The following APOE variants were observed in gnomAD, a reference collection of about 807,000 sequenced individuals.
APOE encodes apolipoprotein E.
In APOE, 10 loss-of-function variants were observed where a neutral mutation model predicts 13.1. The ratio of observed to expected loss-of-function variants is 0.76; its 90% confidence interval spans 0.47 to 1.29. The LOEUF is 1.29. APOE is among the 50% of genes most tolerant of loss of function. The probability of loss-of-function intolerance (pLI) is 0.00; values close to 1 mark genes in which losing one functional copy is unlikely to be tolerated. For missense variants in APOE, 471 were observed against 459.6 expected (o/e 1.02, Z -0.23); for synonymous variants, 211 against 207.1 (o/e 1.02, Z -0.16).
At chr19:44,908,288 G>A (rs1479875924) in intron 3 of APOE, among the ~76,000 whole-genome samples, 1 of 151,952 alleles carries the variant, frequency 6.6e-6, no homozygotes, top group Non-Finnish European at 1.5e-5. Context: ...CTCCCGCCTC[G>A]GCCTCCCAAA....
At position 44,906,652 on chromosome 19, in the gene APOE, G is replaced by A. The variant is rs1461741495; in HGVS notation, c.28G>A (p.Val10Ile). MKVLWAALLVTFLAGCQAKV... is the reference protein window; with the variant it reads MKVLWAALLITFLAGCQAKV... ...GAAGGTTCTGTGGGCTGCGTTGCTG[G>A]TCACATTCCTGGCAGGTATGGGGGC... The change falls in exon 2 of 4, where the codon GTC becomes ATC. Residue 10 changes from valine to isoleucine, a missense_variant. Transcript: ENST00000252486. 2 of 1,613,902 alleles carry A rather than the reference G, an allele frequency of 1.2e-6. No individual in the cohort carries two copies. The highest frequency in any genetic ancestry group is 3.3e-5 in the Admixed American group (2 of 59,990).
Position 44,907,396 on chromosome 19 carries a change from A to G in APOE, c.44-364A>G, listed in dbSNP as rs1284368328. 2 of 326,384 alleles carry G rather than the reference A, an allele frequency of 6.1e-6. No homozygotes were observed. Among genetic ancestry groups the G allele is most frequent in the Non-Finnish European group, 1.2e-5 (2 of 165,600 alleles). 20.2% of individuals were successfully genotyped at this position (326,384 alleles called of 1,614,324 possible). ...AGGATCACTTGAGCCCAGGAGTTCA[A>G]CACCAGCCTGGGCAACATAGTGAGA... On this transcript the variant is annotated intron_variant, in intron 2 of 3. Coordinates refer to ENST00000252486, the MANE Select transcript of APOE (RefSeq NM_000041.4). The surrounding 1 kb of genome is among the most constrained non-coding windows in gnomAD (Gnocchi z 4.1).
Position 44,907,098 on chromosome 19 carries a change from G to A in APOE, c.43+431G>A. 4.5e-6 allele frequency: 1 copy of A among 220,388 alleles called. No individual in the cohort carries two copies. Among genetic ancestry groups the A allele is most frequent in the Non-Finnish European group, 9.2e-6 (1 of 108,618 alleles). 13.7% of individuals were successfully genotyped at this position (220,388 alleles called of 1,614,324 possible). A position where few individuals can be genotyped will look rare whatever the true frequency, so the allele number is the denominator to read the frequency against. ...GGGTTTCACCATGTTGGCCAGGCTG[G>A]TCTGGAACTCCTGACCTCAGGTGAT... On this transcript the variant is annotated intron_variant, in intron 2 of 3. Transcript: ENST00000252486. The surrounding 1 kb of genome is among the most constrained non-coding windows in gnomAD (Gnocchi z 4.1).
In APOE at chr19:44,908,574, A is replaced by C. The variant is rs761285934; in HGVS notation, c.278A>C (p.Lys93Thr). The C allele has an allele frequency of 1.9e-5, 31 of 1,613,550 alleles. No individual in the cohort carries two copies. The highest frequency in any genetic ancestry group is 2.6e-5 in the Non-Finnish European group (31 of 1,179,678). ...DETMKELKAY[K>T]SELEEQLTPV... ...ACCATGAAGGAGTTGAAGGCCTACAAATCGGAACTGGAGGAACAACTGACC... is the reference window on the plus strand; with the variant it reads ...ACCATGAAGGAGTTGAAGGCCTACACATCGGAACTGGAGGAACAACTGACC... Residue 93 changes from lysine (K) to threonine (T), a missense_variant, in exon 4 of 4, where the codon AAA becomes ACA. Coordinates refer to ENST00000252486, the MANE Select transcript of APOE (RefSeq NM_000041.4).
chr19:44,906,615 AG>A lies in APOE; in HGVS notation c.-8del, dbSNP rs1969812056. The A allele has an allele frequency of 2.5e-6, 4 of 1,614,070 alleles. No homozygotes were observed. The South Asian group carries it at 4.4e-5, about 18-fold the overall frequency. ...CTCCTTCCCCAGACTGGCCAATCAC[AG>A]GCAGGAAGATGAAGGTTCTGTGGGC... is the stretch of plus-strand genomic sequence containing the variant. On this transcript the variant is annotated 5_prime_UTR_variant, in exon 2 of 4. Coordinates refer to ENST00000252486, the MANE Select transcript of APOE (RefSeq NM_000041.4).
chr19:44,905,978 G>A lies in APOE; in HGVS notation c.-24+137G>A, dbSNP rs545943117. On this transcript the variant is annotated intron_variant, in intron 1 of 3. Transcript: ENST00000252486. ...GCTTGGGGAGAGGAGGAGCGGGGGTGAGGCAAGCAGCAGGGGACTGGACCT... is the reference window on the plus strand; with the variant it reads ...GCTTGGGGAGAGGAGGAGCGGGGGTAAGGCAAGCAGCAGGGGACTGGACCT... 7.2e-4 allele frequency: 901 copies of A among 1,245,278 alleles called. 9 individuals are homozygous for A. The African/African-American group carries it at 0.013, about 18-fold the overall frequency. The allele number at this position is 1,245,278 out of a possible 1,614,324, so 77.1% of individuals were successfully genotyped here.
Position 44,907,003 on chromosome 19 carries a change from C to T in APOE, c.43+336C>T. The T allele has an allele frequency of 2.9e-6, 1 of 350,434 alleles. No homozygotes were observed. Among genetic ancestry groups the T allele is most frequent in the South Asian group, 3.0e-5 (1 of 33,896 alleles). 21.7% of individuals were successfully genotyped at this position (350,434 alleles called of 1,614,324 possible). A position where few individuals can be genotyped will look rare whatever the true frequency, so the allele number is the denominator to read the frequency against. On this transcript the variant is annotated intron_variant, in intron 2 of 3. Transcript: ENST00000252486. This position sits in a 1 kb window ranked among gnomAD's most constrained non-coding sequence, Gnocchi z 4.1. The stretch of plus-strand genomic sequence containing the variant: ...CCACGCCATTCTCCTGCCTCAGCCT[C>T]CCAAGTAGCTGGGACTACAGGCACA...
chr19:44,908,475 T>A, intron 3 of APOE, 58 bp from the exon 4 acceptor site: 113 of 1,326,134 alleles, frequency 8.5e-5, no homozygotes, highest in Non-Finnish European at 1.1e-4. Context: ...GCCCGCCCCA[T>A]CCCAGCCCTT....
In APOE at chr19:44,908,897, C is replaced by G; in HGVS notation, c.601C>G (p.Pro201Ala). The change falls in exon 4 of 4, where the codon CCC becomes GCC. Residue 201 changes from proline to alanine, a missense_variant. By Grantham distance (27) the Pro-to-Ala change is conservative (BLOSUM62 -1). Transcript: ENST00000252486. ...CAGCGCCATCCGCGAGCGCCTGGGG[C>G]CCCTGGTGGAACAGGGCCGCGTGCG... ...GLSAIRERLG[P>A]LVEQGRVRAA... 5 of 1,477,460 alleles carry G rather than the reference C, an allele frequency of 3.4e-6. No homozygotes were observed. Among genetic ancestry groups the G allele is most frequent in the Non-Finnish European group, 4.5e-6 (5 of 1,122,394 alleles). 91.5% of individuals were successfully genotyped at this position (1,477,460 alleles called of 1,614,324 possible).
chr19:44,908,214 G>C (rs1969846880), intron 3 of APOE, among the ~76,000 whole-genome samples: 2 of 152,076 alleles, frequency 1.3e-5, no homozygotes, highest in Non-Finnish European at 2.9e-5. Context: ...TTTATATAGA[G>C]ACAGAGAGAT....
Position 44,908,772 on chromosome 19 carries a change from TGCGCAAGC to T in APOE, c.477_484del (p.Arg160AlafsTer2). On this transcript the variant is annotated frameshift_variant, in exon 4 of 4. Coordinates refer to ENST00000252486, the MANE Select transcript of APOE (RefSeq NM_000041.4). LOFTEE classifies it low-confidence loss of function (END_TRUNC). ...CTGCGGGTGCGCCTCGCCTCCCACC[TGCGCAAGC>T]TGCGTAAGCGGCTCCTCCGCGATGC... 1.3e-6 allele frequency: 2 copies of T among 1,559,844 alleles called. No individual in the cohort carries two copies. The highest frequency in any genetic ancestry group is 1.7e-6 in the Non-Finnish European group (2 of 1,154,600).
In APOE at chr19:44,907,821, G is replaced by A; in HGVS notation, c.105G>A (p.Gln35=). Residue 35 remains glutamine (Q), a synonymous_variant, in exon 3 of 4, where the codon CAG becomes CAA. Coordinates refer to ENST00000252486, the MANE Select transcript of APOE (RefSeq NM_000041.4). The surrounding 1 kb of genome is among the most constrained non-coding windows in gnomAD (Gnocchi z 4.1). The part of the protein sequence containing the change: ...ETEPEPELRQ[Q]TEWQSGQRWE... ...AGCCGGAGCCCGAGCTGCGCCAGCA[G>A]ACCGAGTGGCAGAGCGGCCAGCGCT... is the stretch of plus-strand genomic sequence containing the variant. The A allele has an allele frequency of 6.2e-7, 1 of 1,613,974 alleles. No individual in the cohort carries two copies. The highest frequency in any genetic ancestry group is 8.5e-7 in the Non-Finnish European group (1 of 1,179,960).
In APOE at chr19:44,907,714, A is replaced by T; in HGVS notation, c.44-46A>T. 6.5e-7 allele frequency: 1 copy of T among 1,543,304 alleles called. No homozygotes were observed. Among genetic ancestry groups the T allele is most frequent in the Non-Finnish European group, 8.8e-7 (1 of 1,141,046 alleles). ...GTGCCCCTAGGTACTAGATGCCTGG[A>T]CGGGGTCAGAAGGACCCTGACCCAC... On this transcript the variant is annotated intron_variant, in intron 2 of 3. Transcript: ENST00000252486. This position sits in a 1 kb window ranked among gnomAD's most constrained non-coding sequence, Gnocchi z 4.1.
In APOE at chr19:44,908,838, A is replaced by G; in HGVS notation, c.542A>G (p.Gln181Arg). 1 of 1,533,000 alleles carries G rather than the reference A, an allele frequency of 6.5e-7. No individual in the cohort carries two copies. Among genetic ancestry groups the G allele is most frequent in the Non-Finnish European group, 8.7e-7 (1 of 1,144,852 alleles). The allele number at this position is 1,533,000 out of a possible 1,614,324, so 95.0% of individuals were successfully genotyped here. The part of the protein sequence containing the change: ...DDLQKRLAVY[Q>R]AGAREGAERG... ...CTGCAGAAGCGCCTGGCAGTGTACC[A>G]GGCCGGGGCCCGCGAGGGCGCCGAG... The change falls in exon 4 of 4, where the codon CAG (glutamine) becomes CGG (arginine). Residue 181 changes from glutamine to arginine, a missense_variant. Gln to Arg is a conservative substitution (Grantham distance 43, BLOSUM62 1). Coordinates refer to ENST00000252486, the MANE Select transcript of APOE (RefSeq NM_000041.4).
chr19:44,906,648 G>T lies in APOE; in HGVS notation c.24G>T (p.Leu8Phe). The T allele has an allele frequency of 6.2e-7, 1 of 1,614,082 alleles. No individual in the cohort carries two copies. Among genetic ancestry groups the T allele is most frequent in the Middle Eastern group, 1.6e-4 (1 of 6,062 alleles). ...AGATGAAGGTTCTGTGGGCTGCGTT[G>T]CTGGTCACATTCCTGGCAGGTATGG... is the stretch of plus-strand genomic sequence containing the variant. MKVLWAA[L>F]LVTFLAGCQA... The change falls in exon 2 of 4, where the codon TTG (leucine) becomes TTT (phenylalanine). Residue 8 changes from leucine to phenylalanine, a missense_variant. Coordinates refer to ENST00000252486, the MANE Select transcript of APOE (RefSeq NM_000041.4).
chr19:44,906,703 C>CT (rs1568615509), intron 2 of APOE, 36 bp downstream of exon 2: 2 of 1,605,556 alleles, frequency 1.2e-6, no homozygotes, highest in Admixed American at 3.3e-5. Flanking sequence ...CCCCCCGCTC[C>CT]TCCCCCTCTC....
chr19:44,909,303 C>T lies in APOE; in HGVS notation c.*53C>T. On this transcript the variant is annotated 3_prime_UTR_variant, in exon 4 of 4. Transcript: ENST00000252486. ...CACGCCACCCCGTGCCTCCTGCCTC[C>T]GCGCAGCCTGCAGCGGGAGACCCTG... is the stretch of plus-strand genomic sequence containing the variant. 1.1e-5 allele frequency: 17 copies of T among 1,540,654 alleles called. No homozygotes were observed. Among genetic ancestry groups the T allele is most frequent in the East Asian group, 2.2e-5 (1 of 44,482 alleles).
Position 44,909,117 on chromosome 19 carries a change from C to G in APOE, c.821C>G (p.Ala274Gly), listed in dbSNP as rs551256627. The change falls in exon 4 of 4, where the codon GCC becomes GGC. Residue 274 changes from alanine (A) to glycine (G), a missense_variant. Physicochemically the swap from Ala to Gly is moderately conservative, Grantham distance 60 (BLOSUM62 0). Transcript: ENST00000252486. ...CAGCAGATACGCCTGCAGGCCGAGG[C>G]CTTCCAGGCCCGCCTCAAGAGCTGG... ...QAQQIRLQAE[A>G]FQARLKSWFE... 3.8e-6 allele frequency: 6 copies of G among 1,592,912 alleles called. No individual in the cohort carries two copies. Among genetic ancestry groups the G allele is most frequent in the Middle Eastern group, 1.7e-4 (1 of 5,916 alleles).
chr19:44,906,716 C>T (rs750778421), intron 2 of APOE, 49 bp downstream of exon 2: 2 of 1,589,130 alleles, frequency 1.3e-6, no homozygotes, highest in South Asian at 2.2e-5. Context: ...CCCCTCTCAT[C>T]CTCACCTCAA....
Sources: allele counts gnomAD v4.1 joint callset (sites outside exome capture counted in the v4.1 genomes callset), GRCh38; gene constraint gnomAD v4.1.1; non-coding constraint Gnocchi (gnomAD v3.1); transcripts MANE v1.5; gene names NCBI Gene and HGNC (gene_info 2026-07-23, HGNC 2026-07-21).